Variants in GADL1 observed in about 807,000 individuals in gnomAD.
GADL1 encodes the protein GAD like acidic amino acid decarboxylase 1.
In GADL1, 71 loss-of-function variants were observed where a neutral mutation model predicts 69.5. The observed-to-expected ratio is 1.02, with a 90% CI of 0.84 to 1.25. GADL1 has a LOEUF of 1.25. Ranked by LOEUF, GADL1 falls within the 50% of genes most tolerant of loss-of-function variation. GADL1 has a pLI of 0.00. For missense variants in GADL1, 737 were observed against 631.8 expected, an observed-to-expected ratio of 1.17 and a Z score of -1.79; for synonymous variants, 254 against 214.4, an observed-to-expected ratio of 1.18 and a Z score of -1.62.
intron 14 of GADL1, among the ~76,000 whole-genome samples, chr3:30,774,713 G>C (rs557094910): frequency 2.6e-5 from 4 of 151,994 alleles, no homozygotes; most frequent in Non-Finnish European, 5.9e-5. Flanking sequence ...GTATAGGGAG[G>C]TCATGTATTT....
intron 14 of GADL1, among the ~76,000 whole-genome samples, chr3:30,770,091 G>C (rs1251226809): frequency 6.6e-6 from 1 of 152,224 alleles, no homozygotes; most frequent in Non-Finnish European, 1.5e-5. Flanking sequence ...ATTAGGAGCT[G>C]AGTAGAGGTT....
chr3:30,846,788 C>T (rs1364213949), intron 6 of GADL1, among the ~76,000 whole-genome samples: 7 of 152,222 alleles, frequency 4.6e-5, no homozygotes, highest in Non-Finnish European at 7.4e-5. Context: ...CCTGCTTGCC[C>T]GTGGAGAAGA....
chr3:30,756,590 A>C (rs1013126633), intron 14 of GADL1, among the ~76,000 whole-genome samples: 2 of 152,188 alleles, frequency 1.3e-5, no homozygotes, highest in African/African-American at 4.8e-5. Context: ...CGTGTGCTAA[A>C]TTCTGACCCA....
chr3:30,747,510 A>ACC (rs990829567), intron 14 of GADL1, among the ~76,000 whole-genome samples: 5 of 152,180 alleles, frequency 3.3e-5, no homozygotes, highest in African/African-American at 1.2e-4. Context: ...ATTCACATCT[A>ACC]CCCATACATT....
In GADL1 at chr3:30,857,044, C is replaced by A. The variant is rs539785730; in HGVS notation, c.308G>T (p.Arg103Leu). 1.3e-6 allele frequency: 2 copies of A among 1,549,564 alleles called. No homozygotes were observed. Among genetic ancestry groups the A allele is most frequent in the Non-Finnish European group, 1.7e-6 (2 of 1,145,438 alleles). Residue 103 changes from arginine to leucine, a missense_variant, in exon 3 of 15, where the codon CGG (arginine) becomes CTG (leucine). By Grantham distance (102) the Arg-to-Leu change is moderately radical. Coordinates refer to ENST00000282538, the MANE Select transcript of GADL1 (RefSeq NM_207359.3). The stretch of plus-strand genomic sequence containing the variant: ...TTTGACACTGTAGTGTATGACATCC[C>A]GACAGAGTTCCAATAGTTTATGGGG... The part of the protein sequence containing the change: ...EPPHKLLELC[R>L]DVIHYSVKTN...
chr3:30,794,167 C>G (rs1233265649), intron 12 of GADL1, among the ~76,000 whole-genome samples: 4 of 152,272 alleles, frequency 2.6e-5, no homozygotes, highest in Non-Finnish European at 5.9e-5. Flanking sequence ...ACAATACACC[C>G]CTCGGTATCC....
At chr3:30,752,866 TAAAA>T (rs1349247821) in intron 14 of GADL1, among the ~76,000 whole-genome samples, 1 of 152,062 alleles carries the variant, frequency 6.6e-6, no homozygotes, top group East Asian at 1.9e-4. Flanking sequence ...CTCAAATAAC[TAAAA>T]GTGGCTAGAA....
Position 30,857,114 on chromosome 3 carries a change from G to T in GADL1, c.238C>A (p.Leu80Met). The change falls in exon 3 of 15, where the codon CTG (leucine) becomes ATG (methionine). Residue 80 changes from leucine to methionine, a missense_variant. By Grantham distance (15) the Leu-to-Met change is conservative. Coordinates refer to ENST00000282538, the MANE Select transcript of GADL1 (RefSeq NM_207359.3). The part of the protein sequence containing the change: ...KVCEWRPPEQ[L>M]KQLLDLEMRD... ...ATCTCCAAATCAAGAAGCTGTTTCA[G>T]TTGTTCAGGAGGCCTCCATTCACAC... 6.5e-7 allele frequency: 1 copy of T among 1,550,172 alleles called. No individual in the cohort carries two copies. Among genetic ancestry groups the T allele is most frequent in the Non-Finnish European group, 8.7e-7 (1 of 1,145,832 alleles).
intron 13 of GADL1, among the ~76,000 whole-genome samples, chr3:30,784,307 T>TA (rs1300133085): frequency 6.6e-6 from 1 of 152,216 alleles, no homozygotes; most frequent in Non-Finnish European, 1.5e-5. Context: ...CTTATTTGGT[T>TA]ATGCCTCTTC....
chr3:30,768,140 TTAG>T (rs1049450801), intron 14 of GADL1, among the ~76,000 whole-genome samples: 7 of 150,660 alleles, frequency 4.6e-5, no homozygotes, highest in Non-Finnish European at 8.8e-5. Context: ...TTCTTAAAAA[TTAG>T]TAATACAAAG....
intron 8 of GADL1, among the ~76,000 whole-genome samples, chr3:30,841,493 T>C (rs958092904): frequency 4.6e-5 from 7 of 152,086 alleles, no homozygotes; most frequent in African/African-American, 1.7e-4. Flanking sequence ...AAATGGGGAT[T>C]ATCTTTAGGG....
rs200211014 is a variant in GADL1, at chr3:30,855,941, A to AAG, written c.337+1073_337+1074insCT. ...TCCTCTGATCTGGCAAAAAAAAAAA[A>AAG]AACGGCATTGCTACAAGTAATTTTA... On this transcript the variant is annotated intron_variant, in intron 3 of 14. Coordinates refer to ENST00000282538, the MANE Select transcript of GADL1 (RefSeq NM_207359.3). Among the ~76,000 whole-genome samples, 857 of 151,854 alleles carry AAG rather than the reference A, an allele frequency of 5.6e-3. 9 individuals carry two copies. The highest frequency in any genetic ancestry group is 0.018 in the African/African-American group (760 of 41,394).
intron 1 of GADL1, among the ~76,000 whole-genome samples, chr3:30,876,015 T>C (rs1383853106): frequency 6.6e-6 from 1 of 152,006 alleles, no homozygotes; most frequent in Non-Finnish European, 1.5e-5. Context: ...CCGTGACTTT[T>C]CTCTGATTTC....
intron 14 of GADL1, among the ~76,000 whole-genome samples, chr3:30,746,451 A>G (rs1030007090): frequency 3.9e-5 from 6 of 152,196 alleles, no homozygotes; most frequent in Non-Finnish European, 8.8e-5. Flanking sequence ...CCTCCTTATT[A>G]AAGGAACATG....
At chr3:30,742,759 A>T (rs1695646036) in intron 14 of GADL1, among the ~76,000 whole-genome samples, 1 of 152,152 alleles carries the variant, frequency 6.6e-6, no homozygotes, top group African/African-American at 2.4e-5. Flanking sequence ...AAAATAATAT[A>T]ATCATGAGAT....
rs115305533 is a variant in GADL1 at position 30,750,446 on chromosome 3, A to T, written c.1393-22031T>A. ...TCGTCCACATCCACTGACATCACCG[A>T]TACTGTCGGCCTCCCTCTGCTTAGG... is the stretch of plus-strand genomic sequence containing the variant. On this transcript the variant is annotated intron_variant, in intron 14 of 14. Coordinates refer to ENST00000282538, the MANE Select transcript of GADL1 (RefSeq NM_207359.3). Among the ~76,000 whole-genome samples the T allele has an allele frequency of 3.2e-3, 482 of 152,280 alleles. 5 individuals carry two copies. The highest frequency in any genetic ancestry group is 0.011 in the African/African-American group (468 of 41,562).
At chr3:30,835,595 A>C (rs1213140243) in intron 9 of GADL1, among the ~76,000 whole-genome samples, 2 of 152,190 alleles carry the variant, frequency 1.3e-5, no homozygotes, top group Middle Eastern at 3.4e-3. Context: ...GTCAGGGTGC[A>C]TAATTCAAGG....
chr3:30,741,194 G>A (rs111811616), intron 14 of GADL1, among the ~76,000 whole-genome samples: 7 of 144,970 alleles, frequency 4.8e-5, no homozygotes, highest in African/African-American at 1.5e-4. Context: ...ATAATTATGT[G>A]TGTGTGTGTG....
At chr3:30,823,938 A>G (rs1464999007) in intron 11 of GADL1, among the ~76,000 whole-genome samples, 1 of 151,936 alleles carries the variant, frequency 6.6e-6, no homozygotes, top group African/African-American at 2.4e-5. Flanking sequence ...ACAATGAAAC[A>G]TGGAAAAACA....
Sources: allele counts gnomAD v4.1 joint callset (sites outside exome capture counted in the v4.1 genomes callset), GRCh38; gene constraint gnomAD v4.1.1; transcripts MANE v1.5; gene names NCBI Gene and HGNC (gene_info 2026-07-23, HGNC 2026-07-21).